The following SH3BGRL2 variants were observed in gnomAD, a reference collection of about 807,000 sequenced individuals.
The protein encoded by SH3BGRL2 is SH3 domain binding glutamate rich protein like 2.
In SH3BGRL2, 21 loss-of-function variants were observed where a neutral mutation model predicts 14.8. The observed-to-expected ratio is 1.42, with a 90% CI of 1.01 to 2.05. The LOEUF is 2.05. SH3BGRL2 is among the 30% of genes most tolerant of loss of function. SH3BGRL2 has a pLI of 0.00. For synonymous variants in SH3BGRL2, 50 were observed against 47.8 expected, an observed-to-expected ratio of 1.05 and a Z score of -0.19; for missense variants, 147 against 130.8, an observed-to-expected ratio of 1.12 and a Z score of -0.61.
the SH3BGRL2 span, among the ~76,000 whole-genome samples, chr6:79,583,879 G>C: frequency 6.6e-6 from 1 of 152,176 alleles, no homozygotes; most frequent in Non-Finnish European, 1.5e-5. Context: ...ACTGCTGTAT[G>C]CAAGTGACAT....
the SH3BGRL2 span, among the ~76,000 whole-genome samples, chr6:79,568,747 A>T: frequency 5.3e-5 from 8 of 151,982 alleles, no homozygotes; most frequent in African/African-American, 1.9e-4. Flanking sequence ...CTAACTTTTT[A>T]ATTTTCTGTA....
chr6:79,586,121 G>A, the SH3BGRL2 span, among the ~76,000 whole-genome samples: 2 of 151,674 alleles, frequency 1.3e-5, no homozygotes, highest in African/African-American at 4.8e-5. Context: ...GCTTGAACCC[G>A]GGAGGCGGAG....
At chr6:79,631,552 G>T (rs754898477) in intron 1 of SH3BGRL2, 46 bp downstream of exon 1, 1 of 1,356,604 alleles carries the variant, frequency 7.4e-7, no homozygotes, top group Non-Finnish European at 9.6e-7. Context: ...GCGGGGCGCG[G>T]GTCCTGCGGG....
chr6:79,631,352 G>T lies in SH3BGRL2; in HGVS notation c.-110G>T. The T allele has an allele frequency of 1.0e-6, 1 of 1,002,632 alleles. No homozygotes were observed. The highest frequency in any genetic ancestry group is 1.4e-6 in the Non-Finnish European group (1 of 739,748). The allele number at this position is 1,002,632 out of a possible 1,614,324, so 62.1% of individuals were successfully genotyped here. A position where few individuals can be genotyped will look rare whatever the true frequency, so the allele number is the denominator to read the frequency against. ...CCAGATCCCAGCGATCTTCCCCGAC[G>T]GCAGCGCTTTACCCAGAGGCTGCCG... On this transcript the variant is annotated 5_prime_UTR_variant, in exon 1 of 4. Coordinates refer to ENST00000369838, the MANE Select transcript of SH3BGRL2 (RefSeq NM_031469.4).
the SH3BGRL2 span, among the ~76,000 whole-genome samples, chr6:79,613,338 G>A: frequency 1.3e-5 from 2 of 152,166 alleles, no homozygotes; most frequent in Non-Finnish European, 2.9e-5. Context: ...TCTGAAATAG[G>A]AAAGTCATGA....
chr6:79,673,566 CTG>C, intron 1 of SH3BGRL2, 46 bp from the exon 2 acceptor site: 1 of 1,564,058 alleles, frequency 6.4e-7, no homozygotes, highest in Non-Finnish European at 8.8e-7. Flanking sequence ...TATATACATA[CTG>C]TTTCAGATAA....
At chr6:79,619,576 G>A in the SH3BGRL2 span, among the ~76,000 whole-genome samples, 1 of 152,198 alleles carries the variant, frequency 6.6e-6, no homozygotes, top group Non-Finnish European at 1.5e-5. Flanking sequence ...ATGGGCAGAG[G>A]CAGAGAATGC....
chr6:79,662,645 AG>A (rs1303386533), intron 1 of SH3BGRL2, among the ~76,000 whole-genome samples: 1 of 151,890 alleles, frequency 6.6e-6, no homozygotes, highest in East Asian at 1.9e-4. Flanking sequence ...TCTTCTCGGG[AG>A]TATCTTTGTT....
rs144341869 is a variant in SH3BGRL2, at chr6:79,671,374, G to A, written c.46-2240G>A. Among the ~76,000 whole-genome samples, 344 of 152,214 alleles carry A rather than the reference G, an allele frequency of 2.3e-3. 2 individuals carry two copies. The highest frequency in any genetic ancestry group is 7.6e-3 in the African/African-American group (316 of 41,516). On this transcript the variant is annotated intron_variant, in intron 1 of 3. Coordinates refer to ENST00000369838, the MANE Select transcript of SH3BGRL2 (RefSeq NM_031469.4). ...TGAGGCAGGAGAATCACTTGAACCC[G>A]GGAGGCGGAGGTTGAGGTGAGCCAA...
the SH3BGRL2 span, among the ~76,000 whole-genome samples, chr6:79,569,813 G>A: frequency 4.6e-5 from 7 of 152,074 alleles, no homozygotes; most frequent in Admixed American, 3.3e-4. Flanking sequence ...TAACTTGTCC[G>A]AATGCATACC....
chr6:79,650,641 G>A, intron 1 of SH3BGRL2, among the ~76,000 whole-genome samples: 1 of 152,054 alleles, frequency 6.6e-6, no homozygotes, highest in East Asian at 1.9e-4. Context: ...CAGTTCTCAA[G>A]GGGGAGACAA....
chr6:79,582,828 TACCATCAGAGTGAACAGGCA>T, the SH3BGRL2 span, among the ~76,000 whole-genome samples: 1 of 152,130 alleles, frequency 6.6e-6, no homozygotes, highest in African/African-American at 2.4e-5. Context: ...CAAAAGAAAC[TACCATCAGAGTGAACAGGCA>T]ACCTACAGAA....
intron 2 of SH3BGRL2, among the ~76,000 whole-genome samples, chr6:79,686,198 G>A (rs535805240): frequency 3.5e-4 from 54 of 152,226 alleles, no homozygotes; most frequent in South Asian, 3.5e-3. Context: ...TGGAGCTTTG[G>A]AATTTCATCA....
At chr6:79,631,769 G>T (rs1468413804) in intron 1 of SH3BGRL2, among the ~76,000 whole-genome samples, 3 of 152,238 alleles carry the variant, frequency 2.0e-5, no homozygotes, top group South Asian at 2.1e-4. Flanking sequence ...TCCGAGGGAA[G>T]CCCCCAGCTC....
intron 1 of SH3BGRL2, among the ~76,000 whole-genome samples, chr6:79,641,235 GTTC>G (rs1020543664): frequency 6.8e-6 from 1 of 147,606 alleles, no homozygotes; most frequent in Non-Finnish European, 1.5e-5. Context: ...TCTTTCACTG[GTTC>G]TCTTTTAATA....
At chr6:79,582,340 C>G in the SH3BGRL2 span, among the ~76,000 whole-genome samples, 1 of 152,072 alleles carries the variant, frequency 6.6e-6, no homozygotes, top group Non-Finnish European at 1.5e-5. Context: ...CAATCCTAAG[C>G]AAAAAGAACA....
At chr6:79,638,188 C>T (rs1768963539) in intron 1 of SH3BGRL2, among the ~76,000 whole-genome samples, 1 of 152,110 alleles carries the variant, frequency 6.6e-6, no homozygotes, top group South Asian at 2.1e-4. Flanking sequence ...GAACTTACTC[C>T]TCCTATCGAG....
At chr6:79,692,739 A>G (rs1468282000) in intron 2 of SH3BGRL2, among the ~76,000 whole-genome samples, 1 of 152,140 alleles carries the variant, frequency 6.6e-6, no homozygotes, top group Non-Finnish European at 1.5e-5. Context: ...TACCAGTACC[A>G]TGCTGTTTTG....
intron 1 of SH3BGRL2, among the ~76,000 whole-genome samples, chr6:79,638,755 C>T (rs1348632200): frequency 6.6e-6 from 1 of 152,082 alleles, no homozygotes; most frequent in Non-Finnish European, 1.5e-5. Flanking sequence ...CTTTTGAGAG[C>T]TATCTGTTTA....
Sources: allele counts gnomAD v4.1 joint callset (sites outside exome capture counted in the v4.1 genomes callset), GRCh38; gene constraint gnomAD v4.1.1; transcripts MANE v1.5; gene names NCBI Gene and HGNC (gene_info 2026-07-23, HGNC 2026-07-21).